Variants in LRRC7 observed in about 807,000 individuals in gnomAD.
LRRC7 encodes leucine-rich repeat-containing protein 7.
Under a neutral mutation model 175.7 loss-of-function variants are expected in LRRC7, and 23 were observed. The ratio of observed to expected loss-of-function variants is 0.13; its 90% confidence interval spans 0.09 to 0.19. The LOEUF (loss-of-function observed/expected upper bound fraction) is 0.19, where lower values mean the gene tolerates loss of function less well. Among genes scored for constraint, LRRC7 ranks in the 10% least tolerant of loss-of-function variants. The pLI is 1.00. For synonymous variants in LRRC7, 685 were observed against 680.9 expected, an observed-to-expected ratio of 1.01 and a Z score of -0.09; for missense variants, 1,354 against 1,904.7, an observed-to-expected ratio of 0.71 and a Z score of 5.38.
In LRRC7 at chr1:69,570,209, C is replaced by T. The variant is rs147450449; in HGVS notation, c.2+1568C>T. ...CCAGCGAAAGCAGGACACGTGATCCCTCCAACGGGTGAGATACAGTATTAG... is the reference window on the plus strand; with the variant it reads ...CCAGCGAAAGCAGGACACGTGATCCTTCCAACGGGTGAGATACAGTATTAG... On this transcript the variant is annotated intron_variant, in intron 1 of 26. Coordinates refer to ENST00000651989, the MANE Select transcript of LRRC7 (RefSeq NM_001370785.2). 5.5e-4 allele frequency among the ~76,000 whole-genome samples: 83 copies of T among 152,174 alleles called. 3 individuals carry two copies. In the East Asian group the frequency reaches 0.015, roughly 27 times the overall value.
rs1036866362 is a variant in LRRC7, at chr1:70,133,198, C to T, written c.*11311C>T. 1.3e-5 allele frequency among the ~76,000 whole-genome samples: 2 copies of T among 151,818 alleles called. No individual in the cohort carries two copies. The highest frequency in any genetic ancestry group is 2.4e-5 in the African/African-American group (1 of 41,290). On this transcript the variant is annotated 3_prime_UTR_variant, in exon 27 of 27. Transcript: ENST00000651989. ...TTCTCTGGCTTGGGGGAGCACAGTC[C>T]GATTTTTGTTGTTGTCGTGGGTGTT...
chr1:69,773,337 T>C (rs1487747828), intron 3 of LRRC7, among the ~76,000 whole-genome samples: 1 of 152,062 alleles, frequency 6.6e-6, no homozygotes, highest in Non-Finnish European at 1.5e-5. Context: ...GAAGAAAATA[T>C]GGGTGCAGAT....
chr1:69,709,670 T>C (rs574226036), intron 2 of LRRC7, among the ~76,000 whole-genome samples: 5 of 152,298 alleles, frequency 3.3e-5, no homozygotes, highest in East Asian at 3.9e-4. Flanking sequence ...ATTATCAAGA[T>C]TTAAGAAATA....
rs1294357828 is a variant in LRRC7 at position 70,123,615 on chromosome 1, T to C, written c.*1728T>C. 1 of 152,188 alleles carries C rather than the reference T, an allele frequency of 6.6e-6. No homozygotes were observed. Among genetic ancestry groups the C allele is most frequent in the African/African-American group, 2.4e-5 (1 of 41,450 alleles). 9.4% of individuals were successfully genotyped at this position (152,188 alleles called of 1,614,324 possible). A position where few individuals can be genotyped will look rare whatever the true frequency, so the allele number is the denominator to read the frequency against. On this transcript the variant is annotated 3_prime_UTR_variant, in exon 27 of 27. Coordinates refer to ENST00000651989, the MANE Select transcript of LRRC7 (RefSeq NM_001370785.2). Reference sequence around the variant, plus strand: ...GACATTATACCATGATTTTATAGGGTTTGACAATTAGCTAATGATTAACTG... The same window carrying C: ...GACATTATACCATGATTTTATAGGGCTTGACAATTAGCTAATGATTAACTG...
At chr1:69,832,115 A>T (rs1335759965) in intron 5 of LRRC7, among the ~76,000 whole-genome samples, 4 of 152,224 alleles carry the variant, frequency 2.6e-5, no homozygotes, top group Admixed American at 1.3e-4. Context: ...AGATAAGCCC[A>T]GGAAATACTT....
rs1391151619 is a variant in LRRC7 at position 70,138,809 on chromosome 1, C to T, written c.*16922C>T. ...CAGTGAGAAGATCAGTGCCAGGTCA[C>T]AGAAAAAGCTAATCATTTTTAGTTT... On this transcript the variant is annotated 3_prime_UTR_variant, in exon 27 of 27. Coordinates refer to ENST00000651989, the MANE Select transcript of LRRC7 (RefSeq NM_001370785.2). 2.0e-5 allele frequency: 3 copies of T among 152,132 alleles called. No individual in the cohort carries two copies. The highest frequency in any genetic ancestry group is 1.3e-4 in the Admixed American group (2 of 15,276). The allele number at this position is 152,132 out of a possible 1,614,324, so 9.4% of individuals were successfully genotyped here. A position where few individuals can be genotyped will look rare whatever the true frequency, so the allele number is the denominator to read the frequency against.
In LRRC7 at chr1:69,638,853, A is replaced by G. The variant is rs563238516; in HGVS notation, c.3-39528A>G. 4.6e-5 allele frequency among the ~76,000 whole-genome samples: 7 copies of G among 151,796 alleles called. No individual in the cohort carries two copies. In the East Asian group the frequency reaches 1.2e-3, roughly 25 times the overall value. Reference sequence around the variant, plus strand: ...TTTATGAACCTCTTGGGTGAGTTCTATGGTGTATTGTCTTGTTATCCTCCT... The same window carrying G: ...TTTATGAACCTCTTGGGTGAGTTCTGTGGTGTATTGTCTTGTTATCCTCCT... On this transcript the variant is annotated intron_variant, in intron 1 of 26. Transcript: ENST00000651989.
chr1:69,717,254 C>G (rs1665473663), intron 2 of LRRC7, among the ~76,000 whole-genome samples: 1 of 151,432 alleles, frequency 6.6e-6, no homozygotes, highest in African/African-American at 2.4e-5. Context: ...GTAGATATTT[C>G]TATAACCACA....
chr1:69,698,580 G>T (rs558917446), intron 2 of LRRC7, among the ~76,000 whole-genome samples: 1 of 152,274 alleles, frequency 6.6e-6, no homozygotes, highest in East Asian at 1.9e-4. Flanking sequence ...AAAATTTCTA[G>T]TACCCTTCCT....
At chr1:69,718,818 C>T (rs17131020) in intron 2 of LRRC7, among the ~76,000 whole-genome samples, 2,829 of 151,774 alleles carry the variant, frequency 0.019, 89 homozygotes, top group African/African-American at 0.063. Context: ...GTTAAATGCT[C>T]CTGAAAATTC....
intron 1 of LRRC7, among the ~76,000 whole-genome samples, chr1:69,662,586 A>T (rs1657635409): frequency 6.6e-6 from 1 of 151,890 alleles, no homozygotes; most frequent in Admixed American, 6.6e-5. Flanking sequence ...TAAGCATTTC[A>T]CTCTCTTTTA....
chr1:69,604,549 T>C (rs576624294), intron 1 of LRRC7, among the ~76,000 whole-genome samples: 2 of 152,306 alleles, frequency 1.3e-5, no homozygotes, highest in Admixed American at 6.5e-5. Flanking sequence ...ATTTGGTCTA[T>C]TGGATTAGCT....
chr1:69,791,992 G>C, intron 3 of LRRC7, 51 bp from the exon 4 acceptor site: 1 of 1,184,496 alleles, frequency 8.4e-7, no homozygotes. Context: ...CTGAGTTTAT[G>C]AATGAATTTA....
intron 7 of LRRC7, among the ~76,000 whole-genome samples, chr1:69,884,915 C>T (rs1687017072): frequency 6.8e-6 from 1 of 147,772 alleles, no homozygotes. Flanking sequence ...TGCTGGATTA[C>T]ATTTATTGAT....
chr1:69,674,530 C>A (rs530793192), intron 1 of LRRC7, among the ~76,000 whole-genome samples: 2 of 152,096 alleles, frequency 1.3e-5, no homozygotes, highest in African/African-American at 2.4e-5. Context: ...TTCTAAGGTC[C>A]AAGGTAACTA....
Position 70,126,053 on chromosome 1 carries a change from T to C in LRRC7, c.*4166T>C, listed in dbSNP as rs1666443482. ...TTGTCTTTCCGTTTAGTATGTTTAC[T>C]AACTGTTAAGGACAGTCTTAACGCT... is the stretch of plus-strand genomic sequence containing the variant. On this transcript the variant is annotated 3_prime_UTR_variant, in exon 27 of 27. Transcript: ENST00000651989. Among the ~76,000 whole-genome samples, 1 of 152,182 alleles carries C rather than the reference T, an allele frequency of 6.6e-6. No individual in the cohort carries two copies. The highest frequency in any genetic ancestry group is 1.5e-5 in the Non-Finnish European group (1 of 68,034).
At chr1:69,670,378 T>A in intron 1 of LRRC7, among the ~76,000 whole-genome samples, 1 of 152,322 alleles carries the variant, frequency 6.6e-6, no homozygotes, top group East Asian at 1.9e-4. Context: ...TTTCCCTTAC[T>A]TTCTCCCAAA....
At chr1:69,854,895 G>T (rs1360865470) in intron 7 of LRRC7, among the ~76,000 whole-genome samples, 1 of 152,086 alleles carries the variant, frequency 6.6e-6, no homozygotes, top group Non-Finnish European at 1.5e-5. Flanking sequence ...GAAACATCAT[G>T]GCGAAGTGGG....
rs551609366 is a variant in LRRC7 at position 69,795,311 on chromosome 1, C to T, written c.421+3151C>T. Among the ~76,000 whole-genome samples, 50 of 149,506 alleles carry T rather than the reference C, an allele frequency of 3.3e-4. 1 individual carries two copies. Among genetic ancestry groups the T allele is most frequent in the Admixed American group, 3.1e-3 (46 of 14,822 alleles). ...AGGAGAATTGCTTGAACCTGGGAGG[C>T]GGAGGTTGCAGTGAGATCACGCCAC... is the stretch of plus-strand genomic sequence containing the variant. On this transcript the variant is annotated intron_variant, in intron 4 of 26. Coordinates refer to ENST00000651989, the MANE Select transcript of LRRC7 (RefSeq NM_001370785.2).
Sources: gnomAD v4.1 joint callset for allele counts (sites outside exome capture counted in the v4.1 genomes callset) on GRCh38, gnomAD v4.1.1 for gene constraint, MANE v1.5 for transcripts, NCBI Gene and HGNC (gene_info 2026-07-23, HGNC 2026-07-21) for gene names.